Variants in PIGU observed in about 807,000 individuals in gnomAD.
The protein encoded by PIGU is phosphatidylinositol glycan anchor biosynthesis class U.
In PIGU, 24 loss-of-function variants were observed where a neutral mutation model predicts 49.9. That is an observed-to-expected ratio of 0.48 (90% CI 0.35 to 0.68). The LOEUF is 0.68. Among genes scored for constraint, PIGU ranks in the 30% least tolerant of loss-of-function variants. PIGU has a pLI of 0.01. For missense variants in PIGU, 490 were observed against 532.6 expected, an observed-to-expected ratio of 0.92 and a Z score of 0.79; for synonymous variants, 220 against 205.7, an observed-to-expected ratio of 1.07 and a Z score of -0.59.
At chr20:34,581,749 T>C in intron 9 of PIGU, 77 bp from the exon 10 acceptor site, 1 of 1,524,258 alleles carries the variant, frequency 6.6e-7, no homozygotes, top group Non-Finnish European at 9.0e-7. Context: ...GACTCCATCC[T>C]TTGAACCAAA....
rs947074291 is a variant in PIGU at position 34,623,282 on chromosome 20, A to C, written c.530-7143T>G. On this transcript the variant is annotated intron_variant, in intron 6 of 11. Transcript: ENST00000217446. ...ACAAGTGAGACTGCCCAGGAGGAGG[A>C]GGAGATCCTGGGGGCAGGGCCAATG... is the stretch of plus-strand genomic sequence containing the variant. Among the ~76,000 whole-genome samples the C allele has an allele frequency of 3.3e-5, 5 of 152,270 alleles. No individual in the cohort carries two copies. The South Asian group carries it at 6.2e-4, about 19-fold the overall frequency.
chr20:34,662,033 T>G (rs985336369), intron 1 of PIGU, among the ~76,000 whole-genome samples: 4 of 152,146 alleles, frequency 2.6e-5, no homozygotes, highest in African/African-American at 9.7e-5. Context: ...GCCACATGCA[T>G]GTCTTCTTTT....
intron 2 of PIGU, among the ~76,000 whole-genome samples, chr20:34,649,321 T>G (rs1257624973): frequency 1.3e-5 from 2 of 152,042 alleles, no homozygotes; most frequent in African/African-American, 2.4e-5. Flanking sequence ...TCGTTCTGTC[T>G]CTTCTCCCAT....
At chr20:34,627,887 C>T (rs574193619) in intron 6 of PIGU, among the ~76,000 whole-genome samples, 4 of 152,212 alleles carry the variant, frequency 2.6e-5, no homozygotes, top group Admixed American at 6.5e-5. Context: ...ATGACCACCA[C>T]GATCTTCAGA....
At chr20:34,613,689 A>C (rs1271884566) in intron 7 of PIGU, among the ~76,000 whole-genome samples, 1 of 152,234 alleles carries the variant, frequency 6.6e-6, no homozygotes, top group Non-Finnish European at 1.5e-5. Flanking sequence ...AATAGGAAAT[A>C]AAAAAGAAAA....
intron 7 of PIGU, among the ~76,000 whole-genome samples, chr20:34,589,247 T>C (rs1386203141): frequency 6.6e-6 from 1 of 152,028 alleles, no homozygotes; most frequent in Non-Finnish European, 1.5e-5. Flanking sequence ...AATTGGAACC[T>C]AAGAAACTTC....
chr20:34,633,547 G>C (rs1985860363), intron 6 of PIGU, among the ~76,000 whole-genome samples: 1 of 151,804 alleles, frequency 6.6e-6, no homozygotes, highest in Non-Finnish European at 1.5e-5. Flanking sequence ...GGGGAAAAGG[G>C]GATATTGGTA....
chr20:34,640,747 T>C (rs1986133454), intron 4 of PIGU, among the ~76,000 whole-genome samples: 1 of 152,176 alleles, frequency 6.6e-6, no homozygotes. Flanking sequence ...TTTCCATATG[T>C]AAGTTATATT....
chr20:34,590,127 A>G (rs1040494365), intron 7 of PIGU, among the ~76,000 whole-genome samples: 3 of 152,098 alleles, frequency 2.0e-5, no homozygotes, highest in African/African-American at 7.2e-5. Flanking sequence ...GGGAAGAGAA[A>G]TAATTTATTG....
intron 11 of PIGU, among the ~76,000 whole-genome samples, chr20:34,574,534 C>G (rs1983142402): frequency 6.6e-6 from 1 of 152,078 alleles, no homozygotes; most frequent in Non-Finnish European, 1.5e-5. Flanking sequence ...AGCCTGTGAC[C>G]ACAGCCTCCT....
At chr20:34,652,067 ATGGCTCAC>A (rs1986557651) in intron 2 of PIGU, among the ~76,000 whole-genome samples, 1 of 152,178 alleles carries the variant, frequency 6.6e-6, no homozygotes, top group African/African-American at 2.4e-5. Flanking sequence ...AGGTATAATC[ATGGCTCAC>A]TGCAGCTTAG....
At chr20:34,645,189 A>G (rs1416291634) in intron 3 of PIGU, 86 bp downstream of exon 3, 1 of 630,512 alleles carries the variant, frequency 1.6e-6, no homozygotes, top group African/African-American at 2.1e-5. Flanking sequence ...CCCCATCTCA[A>G]AAAAAAAAAA....
chr20:34,633,756 C>T (rs1001942699), intron 6 of PIGU, among the ~76,000 whole-genome samples: 21 of 151,810 alleles, frequency 1.4e-4, no homozygotes, highest in Admixed American at 5.3e-4. Context: ...TTTTTAGTAG[C>T]GATGGGGTTT....
chr20:34,567,537 G>A (rs920290022), intron 11 of PIGU, among the ~76,000 whole-genome samples: 2 of 152,060 alleles, frequency 1.3e-5, no homozygotes, highest in African/African-American at 4.8e-5. Context: ...ACCTCCCCTA[G>A]CCTCGTCCCT....
intron 11 of PIGU, among the ~76,000 whole-genome samples, chr20:34,566,993 T>C (rs1035429896): frequency 6.6e-6 from 1 of 152,230 alleles, no homozygotes; most frequent in Non-Finnish European, 1.5e-5. Context: ...GACAGCAGCC[T>C]TGTCCACCAC....
At chr20:34,599,860 G>C (rs962970150) in intron 7 of PIGU, among the ~76,000 whole-genome samples, 1 of 152,088 alleles carries the variant, frequency 6.6e-6, no homozygotes, top group Non-Finnish European at 1.5e-5. Flanking sequence ...GCTCTACTCT[G>C]ACTTCTCCTT....
At chr20:34,611,248 A>G (rs1439760283) in intron 7 of PIGU, among the ~76,000 whole-genome samples, 1 of 152,244 alleles carries the variant, frequency 6.6e-6, no homozygotes, top group African/African-American at 2.4e-5. Context: ...AAAAGAAACT[A>G]TCATCAGAGT....
intron 6 of PIGU, 111 bp downstream of exon 6, chr20:34,634,504 T>C: frequency 1.5e-6 from 2 of 1,368,462 alleles, no homozygotes; most frequent in Non-Finnish European, 9.5e-7. Context: ...TTTTTAAAAA[T>C]GTTTTTAAGT....
At chr20:34,564,600 T>G (rs1452659253) in intron 11 of PIGU, among the ~76,000 whole-genome samples, 1 of 152,218 alleles carries the variant, frequency 6.6e-6, no homozygotes, top group East Asian at 1.9e-4. Context: ...CACAAAAGAT[T>G]TGCACTTTTC....
Sources: gnomAD v4.1 joint callset for allele counts (sites outside exome capture counted in the v4.1 genomes callset) on GRCh38, gnomAD v4.1.1 for gene constraint, MANE v1.5 for transcripts, NCBI Gene and HGNC (gene_info 2026-07-23, HGNC 2026-07-21) for gene names.